SCHIP1: variants seen among roughly 807,000 people sequenced by gnomAD.
SCHIP1 encodes the protein schwannomin-interacting protein 1.
In SCHIP1, 8 loss-of-function variants were observed where a neutral mutation model predicts 29.7. The observed-to-expected ratio is 0.27, with a 90% confidence interval of 0.16 to 0.49. The LOEUF (loss-of-function observed/expected upper bound fraction) is 0.49, where lower values mean the gene tolerates loss of function less well. Ranked by LOEUF, SCHIP1 falls within the 20% of genes least tolerant of loss-of-function variation. The pLI is 0.99. For missense variants in SCHIP1, 193 were observed against 294.6 expected (o/e 0.66, Z 2.52); for synonymous variants, 76 against 94.9 (o/e 0.80, Z 1.16).
chr3:159,297,129 TG>T, the SCHIP1 span, among the ~76,000 whole-genome samples: 1 of 19,346 alleles, frequency 5.2e-5, no homozygotes, highest in East Asian at 1.1e-3. Context: ...TATTCCATTG[TG>T]TGTGTGTGTG....
the SCHIP1 span, among the ~76,000 whole-genome samples, chr3:159,559,417 T>C: frequency 6.6e-6 from 1 of 152,242 alleles, no homozygotes; most frequent in South Asian, 2.1e-4. Flanking sequence ...AATCAGTATA[T>C]TACTATGCTT....
intron 1 of SCHIP1, among the ~76,000 whole-genome samples, chr3:159,855,572 A>G (rs1418246770): frequency 6.6e-6 from 1 of 152,202 alleles, no homozygotes; most frequent in Non-Finnish European, 1.5e-5. Flanking sequence ...ACCCACCACT[A>G]TAAAATACAA....
the SCHIP1 span, among the ~76,000 whole-genome samples, chr3:159,694,462 T>C: frequency 6.6e-6 from 1 of 151,162 alleles, no homozygotes; most frequent in South Asian, 2.1e-4. Flanking sequence ...GAGGTTACAG[T>C]GAGCCGAGAT....
the SCHIP1 span, among the ~76,000 whole-genome samples, chr3:159,479,962 G>T: frequency 1.0e-3 from 158 of 152,238 alleles, no homozygotes; most frequent in Non-Finnish European, 1.6e-3. Context: ...AAATTGTTAG[G>T]CTCAGAGGTT....
At chr3:159,858,772 A>C (rs1305976773) in intron 1 of SCHIP1, among the ~76,000 whole-genome samples, 1 of 152,136 alleles carries the variant, frequency 6.6e-6, no homozygotes, top group East Asian at 1.9e-4. Context: ...GGCTTTAGAT[A>C]TCCGAGGCCA....
the SCHIP1 span, among the ~76,000 whole-genome samples, chr3:159,495,509 T>A: frequency 6.6e-6 from 1 of 152,174 alleles, no homozygotes; most frequent in Admixed American, 6.5e-5. Flanking sequence ...CATTCACAAT[T>A]GCTTCAAAGA....
At chr3:159,750,276 TATATATATATATATATATATACACACAC>T in the SCHIP1 span, among the ~76,000 whole-genome samples, 1 of 15,638 alleles carries the variant, frequency 6.4e-5, no homozygotes. Flanking sequence ...TATATATATA[TATATATATATATATATATATACACACAC>T]ACACACACAC....
At chr3:159,493,427 A>G in the SCHIP1 span, among the ~76,000 whole-genome samples, 1 of 152,204 alleles carries the variant, frequency 6.6e-6, no homozygotes, top group Non-Finnish European at 1.5e-5. Context: ...CAAATGGAAA[A>G]CAAAAAAAGG....
the SCHIP1 span, among the ~76,000 whole-genome samples, chr3:159,732,425 A>G: frequency 6.6e-6 from 1 of 152,214 alleles, no homozygotes; most frequent in Non-Finnish European, 1.5e-5. Context: ...GTGAGTTCCC[A>G]AACCTTCTCT....
the SCHIP1 span, among the ~76,000 whole-genome samples, chr3:159,663,944 G>A: frequency 9.9e-5 from 15 of 152,148 alleles, no homozygotes; most frequent in African/African-American, 3.6e-4. Flanking sequence ...AATTTTGACA[G>A]ACCTTATAAG....
the SCHIP1 span, among the ~76,000 whole-genome samples, chr3:159,643,737 A>AC: frequency 1.3e-5 from 2 of 151,998 alleles, no homozygotes; most frequent in African/African-American, 2.4e-5. Context: ...TCTCTGACTC[A>AC]TTTTTTCCTA....
At chr3:159,693,775 G>A in the SCHIP1 span, among the ~76,000 whole-genome samples, 1 of 152,122 alleles carries the variant, frequency 6.6e-6, no homozygotes, top group Non-Finnish European at 1.5e-5. Flanking sequence ...TTCACCTAGA[G>A]CTGAAATTTA....
At chr3:159,489,274 TTG>T in the SCHIP1 span, among the ~76,000 whole-genome samples, 1 of 152,194 alleles carries the variant, frequency 6.6e-6, no homozygotes, top group African/African-American at 2.4e-5. Flanking sequence ...CTCTGTGAAT[TTG>T]TGTTCTACTA....
the SCHIP1 span, among the ~76,000 whole-genome samples, chr3:159,663,023 T>C: frequency 2.0e-5 from 3 of 152,324 alleles, no homozygotes; most frequent in Non-Finnish European, 4.4e-5. Flanking sequence ...GTGTCTTGGG[T>C]AGAAAGATCA....
the SCHIP1 span, among the ~76,000 whole-genome samples, chr3:159,528,548 G>A: frequency 9.2e-5 from 14 of 152,210 alleles, no homozygotes; most frequent in East Asian, 5.8e-4. Context: ...TAATTGTGTC[G>A]CTTCCTGCAC....
the SCHIP1 span, among the ~76,000 whole-genome samples, chr3:159,826,117 C>T: frequency 6.6e-6 from 1 of 152,080 alleles, no homozygotes; most frequent in Admixed American, 6.6e-5. Flanking sequence ...GAGTTTGAAA[C>T]CAAGATGTGA....
chr3:159,696,462 A>T, the SCHIP1 span, among the ~76,000 whole-genome samples: 4 of 152,090 alleles, frequency 2.6e-5, no homozygotes, highest in East Asian at 7.7e-4. Flanking sequence ...CTTGAACCCC[A>T]CCTCCAACTT....
the SCHIP1 span, among the ~76,000 whole-genome samples, chr3:159,554,550 G>A: frequency 6.6e-6 from 1 of 152,084 alleles, no homozygotes; most frequent in Non-Finnish European, 1.5e-5. Flanking sequence ...GGATGCAAAA[G>A]GAAGTAAGAA....
At chr3:159,287,624 G>A in the SCHIP1 span, among the ~76,000 whole-genome samples, 2 of 152,058 alleles carry the variant, frequency 1.3e-5, no homozygotes, top group African/African-American at 4.8e-5. Flanking sequence ...TATGCTAAGC[G>A]TTCGTCTAAG....
Sources: allele counts gnomAD v4.1 joint callset (sites outside exome capture counted in the v4.1 genomes callset), GRCh38; gene constraint gnomAD v4.1.1; transcripts MANE v1.5; gene names NCBI Gene and HGNC (gene_info 2026-07-23, HGNC 2026-07-21).